The following SYDE2 variants were observed in gnomAD, a reference collection of about 807,000 sequenced individuals.
SYDE2 encodes synapse defective Rho GTPase homolog 2, also known as rho GTPase-activating protein SYDE2.
Under a neutral mutation model 91.5 loss-of-function variants are expected in SYDE2, and 76 were observed. That is an observed-to-expected ratio of 0.83 (90% confidence interval 0.69 to 1.01). SYDE2 has a LOEUF of 1.01. Among genes scored for constraint, SYDE2 ranks in the 50% least tolerant of loss-of-function variants. The pLI, the probability that SYDE2 is intolerant of heterozygous loss-of-function variation, is 0.00. For synonymous variants in SYDE2, 513 were observed against 506.4 expected (o/e 1.01, Z -0.18); for missense variants, 1,364 against 1,367.7 (o/e 1.00, Z 0.04).
At chr1:85,163,442 AATCTATATATAT>A (rs1439259529) in intron 6 of SYDE2, among the ~76,000 whole-genome samples, 1,109 of 50,756 alleles carry the variant, frequency 0.022, 17 homozygotes, top group African/African-American at 0.055. Context: ...CTTGTACTTT[AATCTATATATAT>A]ATATATATAT....
downstream of SYDE2, chr1:85,153,274 C>T (rs994798527): frequency 2.6e-5 from 4 of 152,078 alleles, no homozygotes; most frequent in African/African-American, 9.7e-5. Flanking sequence ...AGAGTGATAG[C>T]AGAGAGGAAA....
intron 3 of SYDE2, among the ~76,000 whole-genome samples, chr1:85,178,890 G>A (rs1053610800): frequency 7.9e-5 from 12 of 151,656 alleles, no homozygotes; most frequent in East Asian, 7.7e-4. Context: ...TATATTAAAG[G>A]TAAAATAAAA....
At chr1:85,177,330 A>G (rs1487400766) in intron 4 of SYDE2, among the ~76,000 whole-genome samples, 1 of 152,112 alleles carries the variant, frequency 6.6e-6, no homozygotes, top group East Asian at 1.9e-4. Context: ...CTCAAATTCT[A>G]CTGCATCCTC....
Position 85,177,417 on chromosome 1 carries a change from T to C in SYDE2, c.2671+729A>G, listed in dbSNP as rs1167832570. ...TCTCCTACTAGCACTTCAAATTCTA[T>C]ATATCCAAAGCCCAATTCATAATCT... On this transcript the variant is annotated intron_variant, in intron 4 of 6. Transcript: ENST00000341460. Among the ~76,000 whole-genome samples the C allele has an allele frequency of 2.0e-5, 3 of 152,124 alleles. No homozygotes were observed. The East Asian group carries it at 5.8e-4, about 29-fold the overall frequency.
chr1:85,156,339 G>A (rs1258576427), downstream of SYDE2, among the ~76,000 whole-genome samples: 1 of 150,930 alleles, frequency 6.6e-6, no homozygotes, highest in Admixed American at 6.6e-5. Context: ...TTGAGCCCAG[G>A]AATTTGAGAC....
At chr1:85,153,609 A>G (rs1041147999), downstream of SYDE2, 1 of 152,144 alleles carries the variant, frequency 6.6e-6, no homozygotes, top group African/African-American at 2.4e-5. Flanking sequence ...TCTGTCTGGG[A>G]CTGTGAATCA....
At position 85,194,943 on chromosome 1, in the gene SYDE2, G is replaced by A. The variant is rs556089382; in HGVS notation, c.746-4191C>T. 5.1e-4 allele frequency: 216 copies of A among 427,564 alleles called. 2 individuals carry two copies. Among genetic ancestry groups the A allele is most frequent in the African/African-American group, 4.5e-3 (210 of 46,438 alleles). 26.5% of individuals were successfully genotyped at this position (427,564 alleles called of 1,614,324 possible). A position where few individuals can be genotyped will look rare whatever the true frequency, so the allele number is the denominator to read the frequency against. ...TGGGAGGCCAAGGCGGGCGGATCACGAGGTCAGGAGATCGAGACCATCCTG... is the reference window on the plus strand; with the variant it reads ...TGGGAGGCCAAGGCGGGCGGATCACAAGGTCAGGAGATCGAGACCATCCTG... On this transcript the variant is annotated intron_variant, in intron 1 of 6. Coordinates refer to ENST00000341460, the MANE Select transcript of SYDE2 (RefSeq NM_032184.2).
At chr1:85,164,997 G>A (rs972785785) in intron 5 of SYDE2, among the ~76,000 whole-genome samples, 1 of 152,134 alleles carries the variant, frequency 6.6e-6, no homozygotes, top group Non-Finnish European at 1.5e-5. Context: ...CACTCTGGGA[G>A]GCTGAGGCAG....
At chr1:85,188,609 T>C (rs78916344) in intron 2 of SYDE2, among the ~76,000 whole-genome samples, 1,552 of 152,320 alleles carry the variant, frequency 0.01, 16 homozygotes, top group African/African-American at 0.036. Flanking sequence ...TTATCAAGCC[T>C]GCTATCACTA....
At chr1:85,156,798 T>G (rs1361001198), downstream of SYDE2, 1 of 152,176 alleles carries the variant, frequency 6.6e-6, no homozygotes, top group Non-Finnish European at 1.5e-5. Flanking sequence ...GTCCAAAATT[T>G]TAACACCTTT....
rs779003952 is a variant in SYDE2, at chr1:85,190,038, C to A, written c.1441+19G>T. 1 of 1,544,888 alleles carries A rather than the reference C, an allele frequency of 6.5e-7. No homozygotes were observed. Among genetic ancestry groups the A allele is most frequent in the Non-Finnish European group, 8.8e-7 (1 of 1,138,420 alleles). On this transcript the variant is annotated intron_variant, in intron 2 of 6. Coordinates refer to ENST00000341460, the MANE Select transcript of SYDE2 (RefSeq NM_032184.2). ...AAAAATGGAAGAAGAAAGAAAGACA[C>A]ATATATGATCATTTTTACCTGCAAA...
intron 4 of SYDE2, among the ~76,000 whole-genome samples, chr1:85,175,317 C>G (rs567790028): frequency 2.6e-5 from 4 of 152,058 alleles, no homozygotes; most frequent in African/African-American, 7.2e-5. Flanking sequence ...CTGGGCAACA[C>G]GGTGAAACCC....
chr1:85,163,869 T>C (rs960124321), intron 6 of SYDE2, among the ~76,000 whole-genome samples: 1 of 152,204 alleles, frequency 6.6e-6, no homozygotes, highest in Non-Finnish European at 1.5e-5. Context: ...CTTTTAACTC[T>C]GAAATTACAT....
intron 4 of SYDE2, among the ~76,000 whole-genome samples, chr1:85,174,621 T>G (rs140105041): frequency 1.2e-4 from 18 of 152,334 alleles, no homozygotes; most frequent in African/African-American, 4.3e-4. Context: ...ATTACTTTTT[T>G]AAATCCACTA....
At chr1:85,164,799 C>A in intron 5 of SYDE2, 42 bp from the exon 6 acceptor site, 1 of 1,153,424 alleles carries the variant, frequency 8.7e-7, no homozygotes, top group Non-Finnish European at 1.1e-6. Context: ...CATAAAGAGG[C>A]AAATTCAAGG....
chr1:85,173,795 G>C (rs1657588627), intron 4 of SYDE2, among the ~76,000 whole-genome samples: 1 of 152,070 alleles, frequency 6.6e-6, no homozygotes, highest in Admixed American at 6.6e-5. Flanking sequence ...ATACACAATA[G>C]AATTAGTAGA....
chr1:85,163,480 T>TATAA (rs1216698478), intron 6 of SYDE2, among the ~76,000 whole-genome samples: 12 of 134,656 alleles, frequency 8.9e-5, no homozygotes, highest in East Asian at 8.4e-4. Flanking sequence ...TATATATATA[T>TATAA]AACAAAAGAG....
At chr1:85,186,929 T>C (rs375328521) in intron 2 of SYDE2, among the ~76,000 whole-genome samples, 1 of 151,914 alleles carries the variant, frequency 6.6e-6, no homozygotes, top group East Asian at 1.9e-4. Context: ...AAAACCTAGG[T>C]ATTACCATTC....
At position 85,183,166 on chromosome 1, in the gene SYDE2, T is replaced by C. The variant is rs747958765; in HGVS notation, c.1476A>G (p.Glu492=). Residue 492 remains glutamate, a synonymous_variant, in exon 3 of 7, where the codon GAA becomes GAG. Coordinates refer to ENST00000341460, the MANE Select transcript of SYDE2 (RefSeq NM_032184.2). ...GAGAAGATGGTTCCATAATTCCCAA[T>C]TCAGTACTATTTGTAGCAGCCAGGA... ...SGILAATNST[E]LGIMEPSSPN... is the part of the protein sequence containing the mutation. The C allele has an allele frequency of 1.4e-5, 22 of 1,591,016 alleles. No homozygotes were observed. The highest frequency in any genetic ancestry group is 1.9e-5 in the Non-Finnish European group (22 of 1,172,422).
Sources: allele counts gnomAD v4.1 joint callset (sites outside exome capture counted in the v4.1 genomes callset), GRCh38; gene constraint gnomAD v4.1.1; transcripts MANE v1.5; gene names NCBI Gene and HGNC (gene_info 2026-07-23, HGNC 2026-07-21).